The following HDLBP variants were observed in gnomAD, a reference collection of about 807,000 sequenced individuals.
The protein encoded by HDLBP is high density lipoprotein binding protein.
In HDLBP, 30 loss-of-function variants were observed where a neutral mutation model predicts 137.3. The ratio of observed to expected loss-of-function variants is 0.22; its 90% confidence interval spans 0.16 to 0.30. The LOEUF is 0.30. Among genes scored for constraint, HDLBP ranks in the 10% least tolerant of loss-of-function variants. The probability of loss-of-function intolerance (pLI) is 1.00; values close to 1 mark genes in which losing one functional copy is unlikely to be tolerated. For synonymous variants in HDLBP, 606 were observed against 596.0 expected, an observed-to-expected ratio of 1.02 and a Z score of -0.24; for missense variants, 1,119 against 1,667.3, an observed-to-expected ratio of 0.67 and a Z score of 5.73.
At position 241,229,780 on chromosome 2, in the gene HDLBP, G is replaced by A. The variant is rs745849596; in HGVS notation, c.3720+53C>T. The A allele has an allele frequency of 1.2e-4, 185 of 1,555,186 alleles. No homozygotes were observed. The African/African-American group carries it at 2.1e-3, about 18-fold the overall frequency. ...TTGCCACCCTCAGGACACCAAGCCCGCCTGCCCGCCCACCCTCCCTGGGAC... is the reference window on the plus strand; with the variant it reads ...TTGCCACCCTCAGGACACCAAGCCCACCTGCCCGCCCACCCTCCCTGGGAC... On this transcript the variant is annotated intron_variant, in intron 27 of 27. Coordinates refer to ENST00000310931, the MANE Select transcript of HDLBP (RefSeq NM_005336.6).
intron 1 of HDLBP, among the ~76,000 whole-genome samples, chr2:241,276,254 A>G (rs768908547): frequency 6.6e-6 from 1 of 152,182 alleles, no homozygotes; most frequent in Non-Finnish European, 1.5e-5. Context: ...AGGAAAAACA[A>G]AGAGTTTTTA....
intron 1 of HDLBP, among the ~76,000 whole-genome samples, chr2:241,300,926 G>A (rs1026288396): frequency 1.3e-5 from 2 of 151,320 alleles, no homozygotes; most frequent in African/African-American, 4.9e-5. Context: ...ATTCTTCAAA[G>A]TGAACTGATT....
At chr2:241,265,178 G>A (rs889061943) in intron 3 of HDLBP, among the ~76,000 whole-genome samples, 3 of 152,190 alleles carry the variant, frequency 2.0e-5, no homozygotes, top group Admixed American at 2.0e-4. Context: ...CAGCACTTTG[G>A]GAGGCCGAGG....
intron 1 of HDLBP, chr2:241,273,756 G>A (rs1052446097): frequency 2.6e-6 from 2 of 773,800 alleles, no homozygotes; most frequent in African/African-American, 1.9e-5. Flanking sequence ...AGGGAATGGG[G>A]TCAGGTCCGC....
Position 241,248,354 on chromosome 2 carries a change from A to G in HDLBP, c.1513-6T>C. 1 of 1,603,680 alleles carries G rather than the reference A, an allele frequency of 6.2e-7. No individual in the cohort carries two copies. Among genetic ancestry groups the G allele is most frequent in the South Asian group, 1.1e-5 (1 of 90,850 alleles). On this transcript the variant is annotated splice_polypyrimidine_tract_variant and splice_region_variant and intron_variant, in intron 12 of 27. Transcript: ENST00000310931. ...TCCTTGGTACGCTCATTTTCCTAAA[A>G]ATACAATTAAAGTAGATGTCATTTA...
At position 241,239,158 on chromosome 2, in the gene HDLBP, A is replaced by G. The variant is rs2070930258; in HGVS notation, c.2611-371T>C. On this transcript the variant is annotated intron_variant, in intron 19 of 27. Transcript: ENST00000310931. This position sits in a 1 kb window ranked among gnomAD's most constrained non-coding sequence, Gnocchi z 4.6. ...GAGTGGCCTGGAGGGGACACTCTCT[A>G]AAGACTGCTTCTAAAGACCACGTCT... Among the ~76,000 whole-genome samples the G allele has an allele frequency of 6.6e-6, 1 of 152,162 alleles. No homozygotes were observed. The highest frequency in any genetic ancestry group is 1.5e-5 in the Non-Finnish European group (1 of 68,020).
In HDLBP at chr2:241,230,964, T is replaced by C; in HGVS notation, c.3289-20A>G. 2 of 1,606,526 alleles carry C rather than the reference T, an allele frequency of 1.2e-6. No homozygotes were observed. The highest frequency in any genetic ancestry group is 1.7e-6 in the Non-Finnish European group (2 of 1,173,504). The stretch of plus-strand genomic sequence containing the variant: ...CTGGGGCTAAAAAAGGAGAATGTAG[T>C]CAGAAAAGGGGATGCCTTACTGGGA... On this transcript the variant is annotated intron_variant, in intron 24 of 27. Transcript: ENST00000310931. This position sits in a 1 kb window ranked among gnomAD's most constrained non-coding sequence, Gnocchi z 5.0.
intron 21 of HDLBP, chr2:241,235,998 A>G (rs2070374857): frequency 5.0e-6 from 1 of 199,752 alleles, no homozygotes; most frequent in South Asian, 1.1e-4. Context: ...GGCTTTGGCT[A>G]ATGCCCACGA....
At chr2:241,311,339 A>G (rs1361691271) in intron 1 of HDLBP, among the ~76,000 whole-genome samples, 1 of 152,224 alleles carries the variant, frequency 6.6e-6, no homozygotes, top group Non-Finnish European at 1.5e-5. Context: ...ACTTTCGTAC[A>G]TACAAATTCT....
At chr2:241,232,047 G>A (rs555527825) in intron 24 of HDLBP, among the ~76,000 whole-genome samples, 37 of 152,272 alleles carry the variant, frequency 2.4e-4, no homozygotes, top group African/African-American at 8.4e-4. Context: ...AGCAGCCCAA[G>A]AAGCTTCTGT....
intron 5 of HDLBP, among the ~76,000 whole-genome samples, chr2:241,258,906 T>G (rs1357897197): frequency 6.6e-6 from 1 of 152,144 alleles, no homozygotes; most frequent in East Asian, 1.9e-4. Context: ...AGGAAGGAAA[T>G]TTAGCATCCG....
In HDLBP at chr2:241,289,205, A is replaced by G. The variant is rs527638744; in HGVS notation, c.-102-20664T>C. ...TTTTCTCCTCTCAAGGGTGGAGAGC[A>G]TGTGGCACTCCAATGTGCGATCTGC... is the stretch of plus-strand genomic sequence containing the variant. On this transcript the variant is annotated intron_variant, in intron 1 of 27. Transcript: ENST00000310931. 2.0e-5 allele frequency among the ~76,000 whole-genome samples: 3 copies of G among 152,324 alleles called. No individual in the cohort carries two copies. In the South Asian group the frequency reaches 6.2e-4, roughly 32 times the overall value.
chr2:241,275,258 A>G (rs2074346932), intron 1 of HDLBP, among the ~76,000 whole-genome samples: 1 of 152,202 alleles, frequency 6.6e-6, no homozygotes, highest in African/African-American at 2.4e-5. Context: ...AATGGTAGAG[A>G]GGCTAAAAGC....
At chr2:241,292,017 T>G (rs1172401500) in intron 1 of HDLBP, among the ~76,000 whole-genome samples, 1 of 152,150 alleles carries the variant, frequency 6.6e-6, no homozygotes, top group East Asian at 1.9e-4. Context: ...ATACACCAAC[T>G]AAATAACGGG....
chr2:241,274,076 G>T (rs1398841510), intron 1 of HDLBP, among the ~76,000 whole-genome samples: 4 of 152,202 alleles, frequency 2.6e-5, no homozygotes, highest in Non-Finnish European at 5.9e-5. Flanking sequence ...CAGGTTCTTG[G>T]CCTGAGTGAC....
At chr2:241,237,728 C>CGT (rs1553637161) in intron 20 of HDLBP, among the ~76,000 whole-genome samples, 32 of 151,988 alleles carry the variant, frequency 2.1e-4, no homozygotes, top group South Asian at 6.2e-4. Context: ...AGAAAAAAAA[C>CGT]GTGTGTAAAA....
chr2:241,265,386 C>G (rs986237568), intron 3 of HDLBP, among the ~76,000 whole-genome samples: 1 of 152,172 alleles, frequency 6.6e-6, no homozygotes, highest in Non-Finnish European at 1.5e-5. Flanking sequence ...CCATTGCACT[C>G]CAGCCTGGGC....
chr2:241,285,936 A>G (rs1289983451), intron 1 of HDLBP, among the ~76,000 whole-genome samples: 2 of 152,234 alleles, frequency 1.3e-5, no homozygotes, highest in East Asian at 3.8e-4. Context: ...AGGCAGAAGG[A>G]TCATTTGAAC....
At chr2:241,279,375 T>C (rs2074515352) in intron 1 of HDLBP, among the ~76,000 whole-genome samples, 1 of 152,202 alleles carries the variant, frequency 6.6e-6, no homozygotes, top group African/African-American at 2.4e-5. Flanking sequence ...TTTAGAATAG[T>C]TACAAATACA....
Sources: gnomAD v4.1 joint callset for allele counts (sites outside exome capture counted in the v4.1 genomes callset) on GRCh38, gnomAD v4.1.1 for gene constraint, Gnocchi (gnomAD v3.1) non-coding constraint, MANE v1.5 for transcripts, NCBI Gene and HGNC (gene_info 2026-07-23, HGNC 2026-07-21) for gene names.